The following TTC29 variants were observed in gnomAD, a reference collection of about 807,000 sequenced individuals.
The protein encoded by TTC29 is tetratricopeptide repeat protein 29.
A neutral mutation model predicts 58.1 loss-of-function variants in TTC29; 49 were observed. That is an observed-to-expected ratio of 0.84 (90% CI 0.67 to 1.07). TTC29 has a LOEUF of 1.07. Ranked by LOEUF, TTC29 falls within the 50% of genes least tolerant of loss-of-function variation. The pLI, the probability that TTC29 is intolerant of heterozygous loss-of-function variation, is 0.00. For missense variants in TTC29, 582 were observed against 555.6 expected (o/e 1.05, Z -0.48); for synonymous variants, 209 against 196.8 (o/e 1.06, Z -0.52).
At chr4:146,754,359 T>A (rs893079302) in intron 11 of TTC29, among the ~76,000 whole-genome samples, 1 of 151,998 alleles carries the variant, frequency 6.6e-6, no homozygotes, top group Admixed American at 6.6e-5. Flanking sequence ...ACCAGATAAA[T>A]TCTCGCAAAC....
chr4:146,738,911 A>T (rs1416186374), intron 11 of TTC29, among the ~76,000 whole-genome samples: 1 of 152,108 alleles, frequency 6.6e-6, no homozygotes, highest in Non-Finnish European at 1.5e-5. Flanking sequence ...GAGGGTATGG[A>T]TGCTCTGCAG....
intron 11 of TTC29, among the ~76,000 whole-genome samples, chr4:146,730,424 G>T (rs1744239972): frequency 6.6e-6 from 1 of 152,064 alleles, no homozygotes; most frequent in Non-Finnish European, 1.5e-5. Context: ...GCTTTAGGCT[G>T]GATAGATAAT....
intron 4 of TTC29, among the ~76,000 whole-genome samples, chr4:146,936,958 A>T (rs1458464726): frequency 6.6e-6 from 1 of 152,084 alleles, no homozygotes; most frequent in Non-Finnish European, 1.5e-5. Context: ...CACTAAGTAT[A>T]GGTAAGAAAT....
At chr4:146,879,885 T>G (rs1349324721) in intron 6 of TTC29, among the ~76,000 whole-genome samples, 4 of 152,166 alleles carry the variant, frequency 2.6e-5, no homozygotes, top group Non-Finnish European at 5.9e-5. Context: ...TCACAGGTAT[T>G]AAAGTCTTTG....
chr4:146,815,762 T>C (rs891859618), intron 10 of TTC29, among the ~76,000 whole-genome samples: 2 of 152,176 alleles, frequency 1.3e-5, no homozygotes, highest in African/African-American at 2.4e-5. Context: ...AGACATCAAG[T>C]AGGTGGTGGG....
intron 5 of TTC29, among the ~76,000 whole-genome samples, chr4:146,905,248 A>G (rs2150275758): frequency 6.6e-6 from 1 of 152,024 alleles, no homozygotes; most frequent in East Asian, 1.9e-4. Flanking sequence ...ATTCTTGGTT[A>G]TATTTACTGA....
chr4:146,714,279 T>G (rs999331869), intron 11 of TTC29, among the ~76,000 whole-genome samples: 1 of 152,158 alleles, frequency 6.6e-6, no homozygotes, highest in African/African-American at 2.4e-5. Context: ...TCTAACTGTA[T>G]TTTAGATATT....
At chr4:146,866,431 T>C (rs1415894767) in intron 8 of TTC29, among the ~76,000 whole-genome samples, 4 of 152,156 alleles carry the variant, frequency 2.6e-5, no homozygotes, top group Non-Finnish European at 5.9e-5. Context: ...AACTTTTTTT[T>C]TGGTGCAGCC....
intron 11 of TTC29, among the ~76,000 whole-genome samples, chr4:146,715,308 C>T (rs1235709366): frequency 6.6e-5 from 10 of 152,142 alleles, no homozygotes; most frequent in Admixed American, 1.3e-4. Flanking sequence ...GATACCTGCA[C>T]GTCCATGTGT....
chr4:146,736,326 G>A (rs779374823), intron 11 of TTC29, among the ~76,000 whole-genome samples: 3 of 152,078 alleles, frequency 2.0e-5, no homozygotes, highest in Admixed American at 6.5e-5. Context: ...GGGCTGATAG[G>A]ATTATGAAAG....
At chr4:146,932,832 G>A (rs1735446167) in intron 4 of TTC29, among the ~76,000 whole-genome samples, 1 of 152,070 alleles carries the variant, frequency 6.6e-6, no homozygotes, top group Non-Finnish European at 1.5e-5. Context: ...TGAAGTGGGT[G>A]GATCACAAGG....
At chr4:146,838,330 G>C (rs1728641546) in intron 8 of TTC29, among the ~76,000 whole-genome samples, 1 of 151,796 alleles carries the variant, frequency 6.6e-6, no homozygotes, top group South Asian at 2.1e-4. Context: ...GAAATTTAAG[G>C]ATTATTAATT....
intron 4 of TTC29, among the ~76,000 whole-genome samples, chr4:146,917,725 TA>T (rs1277659101): frequency 6.8e-6 from 1 of 146,098 alleles, no homozygotes; most frequent in Non-Finnish European, 1.5e-5. Flanking sequence ...ACAATTTATA[TA>T]AAATTATATA....
At chr4:146,742,529 G>A (rs1349484615) in intron 11 of TTC29, among the ~76,000 whole-genome samples, 2 of 152,056 alleles carry the variant, frequency 1.3e-5, no homozygotes, top group Non-Finnish European at 2.9e-5. Context: ...AAAAAAATTT[G>A]TATTCACATC....
chr4:146,744,029 A>G lies in TTC29; in HGVS notation c.1331-36478T>C, dbSNP rs73855644. Among the ~76,000 whole-genome samples the G allele has an allele frequency of 4.3e-3, 652 of 152,362 alleles. 7 individuals carry two copies. Among genetic ancestry groups the G allele is most frequent in the African/African-American group, 0.015 (625 of 41,582 alleles). ...ATGACCAGATATGATTCATTGGTAA[A>G]GAAGAGGATTAAGGCCAGAATGATG... On this transcript the variant is annotated intron_variant, in intron 11 of 12. Coordinates refer to ENST00000325106, the MANE Select transcript of TTC29 (RefSeq NM_031956.4).
intron 11 of TTC29, among the ~76,000 whole-genome samples, chr4:146,769,929 A>G (rs1414310861): frequency 2.6e-5 from 4 of 152,046 alleles, no homozygotes; most frequent in Admixed American, 2.6e-4. Flanking sequence ...TGTTTGTTAC[A>G]ACTCCCCTTA....
chr4:146,927,842 G>T (rs1580000685), intron 4 of TTC29, among the ~76,000 whole-genome samples: 2 of 152,234 alleles, frequency 1.3e-5, no homozygotes, highest in African/African-American at 4.8e-5. Flanking sequence ...CATGTGCAAG[G>T]CTATGAAGGG....
At chr4:146,766,115 T>C (rs1221264025) in intron 11 of TTC29, among the ~76,000 whole-genome samples, 4 of 152,032 alleles carry the variant, frequency 2.6e-5, no homozygotes, top group Non-Finnish European at 5.9e-5. Flanking sequence ...AAGAAAACAA[T>C]CAGACTAAGC....
At chr4:146,880,174 G>C (rs965348402) in intron 6 of TTC29, among the ~76,000 whole-genome samples, 1 of 152,094 alleles carries the variant, frequency 6.6e-6, no homozygotes, top group South Asian at 2.1e-4. Context: ...TCAATAATAC[G>C]AAGTAGGATC....
Sources: allele counts gnomAD v4.1 joint callset (sites outside exome capture counted in the v4.1 genomes callset), GRCh38; gene constraint gnomAD v4.1.1; transcripts MANE v1.5; gene names NCBI Gene and HGNC (gene_info 2026-07-23, HGNC 2026-07-21).